The following PLXNA4 variants were observed in gnomAD, a reference collection of about 807,000 sequenced individuals.
PLXNA4 encodes plexin A4.
Under a neutral mutation model 191.8 loss-of-function variants are expected in PLXNA4, and 44 were observed. The observed-to-expected ratio is 0.23, with a 90% CI of 0.18 to 0.29. The LOEUF is 0.29. PLXNA4 is among the 10% of genes least tolerant of loss of function. The pLI, the probability that PLXNA4 is intolerant of heterozygous loss-of-function variation, is 1.00. For synonymous variants in PLXNA4, 1,082 were observed against 1,009.5 expected (o/e 1.07, Z -1.36); for missense variants, 1,800 against 2,488.8 (o/e 0.72, Z 5.89).
chr7:132,503,460 C>A (rs1038811926), intron 2 of PLXNA4, among the ~76,000 whole-genome samples: 1 of 152,202 alleles, frequency 6.6e-6, no homozygotes, highest in African/African-American at 2.4e-5. Flanking sequence ...TCAAACCCAG[C>A]ATCTTCTCCA....
chr7:132,418,247 C>T (rs1046024298), intron 3 of PLXNA4, among the ~76,000 whole-genome samples: 4 of 152,172 alleles, frequency 2.6e-5, no homozygotes, highest in African/African-American at 9.7e-5. Context: ...TTCTCCTCTC[C>T]ATCCATCAAA....
chr7:132,627,053 A>G lies in PLXNA4; in HGVS notation c.-87+18875T>C, dbSNP rs1224991259. Among the ~76,000 whole-genome samples the G allele has an allele frequency of 2.0e-5, 3 of 151,910 alleles. No homozygotes were observed. In the South Asian group the frequency reaches 6.2e-4, roughly 32 times the overall value. On this transcript the variant is annotated intron_variant, in intron 2 of 4. Coordinates refer to the PLXNA4 transcript ENST00000378539. The stretch of plus-strand genomic sequence containing the variant: ...CTTGGCTCAACCCTTCATCAATCCC[A>G]CCTCTGAATATCTACAAAAGTTATA...
At position 132,185,958 on chromosome 7, in the gene PLXNA4, G is replaced by C. The variant is rs569116145; in HGVS notation, c.2994-495C>G. On this transcript the variant is annotated intron_variant, in intron 15 of 31. Coordinates refer to ENST00000321063, the MANE Select transcript of PLXNA4 (RefSeq NM_020911.2). ...CTGTTTTCCCTGATGCAGTAGTCTT[G>C]ACATCAGTTGCAATCGTCCTGAGTC... 5.9e-5 allele frequency among the ~76,000 whole-genome samples: 9 copies of C among 152,334 alleles called. No homozygotes were observed. The South Asian group carries it at 1.9e-3, about 32-fold the overall frequency.
intron 3 of PLXNA4, among the ~76,000 whole-genome samples, chr7:132,443,416 G>C (rs539277031): frequency 1.8e-4 from 28 of 152,278 alleles, no homozygotes; most frequent in African/African-American, 6.7e-4. Context: ...TAGAACTCAA[G>C]TCTGCCGATA....
chr7:132,615,966 T>TCTC (rs1285560133), intron 2 of PLXNA4, among the ~76,000 whole-genome samples: 17 of 145,904 alleles, frequency 1.2e-4, no homozygotes, highest in Admixed American at 2.0e-4. Context: ...TCTCTCTCTA[T>TCTC]TCCCCACCGC....
intron 4 of PLXNA4, among the ~76,000 whole-genome samples, chr7:132,296,483 G>T (rs753052394): frequency 1.3e-5 from 2 of 150,996 alleles, no homozygotes; most frequent in African/African-American, 2.4e-5. Context: ...TGTTGCCCAG[G>T]CTGGCCTTGA....
intron 2 of PLXNA4, among the ~76,000 whole-genome samples, chr7:132,638,494 A>C (rs1256132567): frequency 6.6e-6 from 1 of 152,126 alleles, no homozygotes; most frequent in African/African-American, 2.4e-5. Context: ...TCTACTAAAA[A>C]TACAAAAATT....
At chr7:132,229,406 T>G (rs1798446789) in intron 5 of PLXNA4, among the ~76,000 whole-genome samples, 1 of 152,210 alleles carries the variant, frequency 6.6e-6, no homozygotes, top group Non-Finnish European at 1.5e-5. Flanking sequence ...TTGAGGTCAC[T>G]GCATGGAGGC....
chr7:132,619,182 T>G (rs1420425228), intron 2 of PLXNA4, among the ~76,000 whole-genome samples: 2 of 151,894 alleles, frequency 1.3e-5, no homozygotes, highest in Non-Finnish European at 2.9e-5. Context: ...TTAAAAAGAG[T>G]GAAGTATATG....
At chr7:132,609,829 T>A (rs962247401) in intron 2 of PLXNA4, among the ~76,000 whole-genome samples, 5 of 152,188 alleles carry the variant, frequency 3.3e-5, no homozygotes, top group East Asian at 1.9e-4. Flanking sequence ...GAGCAGTAGC[T>A]GGGACAACAT....
intron 3 of PLXNA4, among the ~76,000 whole-genome samples, chr7:132,380,459 G>A (rs1213362889): frequency 6.9e-6 from 1 of 145,626 alleles, no homozygotes; most frequent in Non-Finnish European, 1.5e-5. Context: ...CCAGACAGAA[G>A]GACCAAGGCA....
intron 3 of PLXNA4, among the ~76,000 whole-genome samples, chr7:132,316,404 C>T (rs140044835): frequency 1.3e-5 from 2 of 152,218 alleles, no homozygotes; most frequent in East Asian, 3.9e-4. Context: ...AAATGGTGGA[C>T]TTAGGAGGAA....
intron 8 of PLXNA4, among the ~76,000 whole-genome samples, chr7:132,225,577 G>A (rs891143053): frequency 5.3e-5 from 8 of 151,522 alleles, no homozygotes; most frequent in Admixed American, 1.3e-4. Context: ...AACAAAGCTC[G>A]AGTTGGAGTC....
rs375027090 is a variant in PLXNA4 at position 132,185,475 on chromosome 7, G to A, written c.2994-12C>T. ...AGGATGGAGATCGCCTGGAGGGCAG[G>A]AAGACAGAGCACTGGGCGCCTGGTG... On this transcript the variant is annotated splice_polypyrimidine_tract_variant and intron_variant, in intron 15 of 31. Coordinates refer to ENST00000321063, the MANE Select transcript of PLXNA4 (RefSeq NM_020911.2). 125 of 1,608,208 alleles carry A rather than the reference G, an allele frequency of 7.8e-5. No homozygotes were observed. In the Middle Eastern group the frequency reaches 1.6e-3, roughly 21 times the overall value.
At chr7:132,433,844 T>C (rs891456150) in intron 3 of PLXNA4, among the ~76,000 whole-genome samples, 1 of 152,136 alleles carries the variant, frequency 6.6e-6, no homozygotes, top group Non-Finnish European at 1.5e-5. Context: ...ATTCCCTCCA[T>C]ACCCTCATTC....
intron 3 of PLXNA4, among the ~76,000 whole-genome samples, chr7:132,376,908 T>C (rs1804679794): frequency 6.6e-6 from 1 of 152,222 alleles, no homozygotes; most frequent in Non-Finnish European, 1.5e-5. Context: ...TCTCTGCTTT[T>C]AGCAGGAGGA....
At chr7:132,141,184 C>CTGGT (rs1305849240) in intron 29 of PLXNA4, among the ~76,000 whole-genome samples, 20 of 152,134 alleles carry the variant, frequency 1.3e-4, no homozygotes, top group Non-Finnish European at 2.5e-4. Flanking sequence ...GCTCCTAAGC[C>CTGGT]TGGTACAAGA....
At chr7:132,185,527 A>G (rs1796850805) in intron 15 of PLXNA4, 64 bp from the exon 16 acceptor site, 1 of 1,547,186 alleles carries the variant, frequency 6.5e-7, no homozygotes, top group East Asian at 2.3e-5. Flanking sequence ...TCCTGAGTCA[A>G]GGCCCTCCCA....
intron 3 of PLXNA4, chr7:132,384,891 T>A: frequency 8.3e-7 from 1 of 1,207,564 alleles, no homozygotes; most frequent in Non-Finnish European, 1.0e-6. Flanking sequence ...GGAGAATCAG[T>A]TAGTTTCACT....
Sources: gnomAD v4.1 joint callset for allele counts (sites outside exome capture counted in the v4.1 genomes callset) on GRCh38, gnomAD v4.1.1 for gene constraint, MANE v1.5 for transcripts, NCBI Gene and HGNC (gene_info 2026-07-23, HGNC 2026-07-21) for gene names.